Variants in IL19 observed in about 807,000 individuals in gnomAD.
IL19 encodes the protein interleukin 19.
In IL19, 15 loss-of-function variants were observed where a neutral mutation model predicts 19.5. The ratio of observed to expected loss-of-function variants is 0.77; its 90% CI spans 0.52 to 1.19. IL19 has a LOEUF of 1.19. Among genes scored for constraint, IL19 ranks in the 50% most tolerant of loss-of-function variants. The probability of loss-of-function intolerance (pLI) is 0.00; values close to 1 mark genes in which losing one functional copy is unlikely to be tolerated. For missense variants in IL19, 199 were observed against 213.1 expected, an observed-to-expected ratio of 0.93 and a Z score of 0.41; for synonymous variants, 78 against 78.3, an observed-to-expected ratio of 1.00 and a Z score of 0.02.
chr1:206,812,064 A>G (rs1164160501), intron 2 of IL19, among the ~76,000 whole-genome samples: 1 of 152,246 alleles, frequency 6.6e-6, no homozygotes, highest in African/African-American at 2.4e-5. Flanking sequence ...TAATAGAAAG[A>G]TTTGATGGTC....
Position 206,803,593 on chromosome 1 carries a change from G to C in IL19, c.-3+4587G>C, listed in dbSNP as rs74148800. Among the ~76,000 whole-genome samples, 382 of 152,298 alleles carry C rather than the reference G, an allele frequency of 2.5e-3. 2 individuals are homozygous for C. The highest frequency in any genetic ancestry group is 0.011 in the South Asian group (54 of 4,824). On this transcript the variant is annotated intron_variant, in intron 2 of 6. Transcript: ENST00000659997. ...GACACAGGCCTCAGGTGATCCTACA[G>C]AGCATGGCTGGAGAGAACAGGAAAG... is the stretch of plus-strand genomic sequence containing the variant.
chr1:206,781,414 C>CAAAAAAAAAAAAAAAAAAAAAAAAAAAA (rs57060549), intron 1 of IL19, among the ~76,000 whole-genome samples: 2 of 43,024 alleles, frequency 4.6e-5, no homozygotes, highest in African/African-American at 9.0e-5. Context: ...GACTCTGTCT[C>CAAAAAAAAAAAAAAAAAAAAAAAAAAAA]AAAAAAAAAA....
intron 2 of IL19, among the ~76,000 whole-genome samples, chr1:206,807,293 A>G (rs533127027): frequency 6.6e-6 from 1 of 152,312 alleles, no homozygotes; most frequent in African/African-American, 2.4e-5. Flanking sequence ...ACCATATCCT[A>G]TGGCATGTAG....
At position 206,775,208 on chromosome 1, in the gene IL19, G is replaced by GT. The variant is rs1002447254; in HGVS notation, c.-149+4137dup. ...GGCGCCTGGCACCACGCCCGGCTAAGTTTTTTTATTTTTTTTTGTATTTTT... is the reference window on the plus strand; with the variant it reads ...GGCGCCTGGCACCACGCCCGGCTAAGTTTTTTTTATTTTTTTTTGTATTTTT... On this transcript the variant is annotated intron_variant, in intron 1 of 6. Transcript: ENST00000659997. Among the ~76,000 whole-genome samples the GT allele has an allele frequency of 7.3e-5, 11 of 151,570 alleles. No homozygotes were observed. The South Asian group carries it at 1.0e-3, about 14-fold the overall frequency.
chr1:206,835,816 C>A (rs1434733403), intron 2 of IL19, among the ~76,000 whole-genome samples: 1 of 152,216 alleles, frequency 6.6e-6, no homozygotes, highest in East Asian at 1.9e-4. Flanking sequence ...TAAGCTGTAC[C>A]ATTATATTTT....
At chr1:206,800,805 G>A (rs748945498) in intron 2 of IL19, among the ~76,000 whole-genome samples, 3 of 152,338 alleles carry the variant, frequency 2.0e-5, no homozygotes, top group East Asian at 1.9e-4. Flanking sequence ...CCTCCTGGCC[G>A]TGTGTGTTAA....
Position 206,799,007 on chromosome 1 carries a change from G to T in IL19, c.-3+1G>T. On this transcript the variant is annotated splice_donor_variant, in intron 2 of 6. Coordinates refer to ENST00000659997, the MANE Select transcript of IL19 (RefSeq NM_153758.5). LOFTEE classifies it low-confidence loss of function (5UTR_SPLICE). ...GTGCTTTGGGGCTCTGTTCCACGGG[G>T]TAAGTAATTTCTGCTATAGGGACCC... 6.2e-7 allele frequency: 1 copy of T among 1,603,724 alleles called. No homozygotes were observed. The highest frequency in any genetic ancestry group is 8.5e-7 in the Non-Finnish European group (1 of 1,170,798).
At chr1:206,782,739 G>A (rs1028137569) in intron 1 of IL19, among the ~76,000 whole-genome samples, 1 of 152,132 alleles carries the variant, frequency 6.6e-6, no homozygotes, top group Non-Finnish European at 1.5e-5. Flanking sequence ...TCTCCAAGGG[G>A]CCCCAGGCCT....
chr1:206,795,959 G>A lies in IL19; in HGVS notation c.-148-2902G>A, dbSNP rs1331392603. On this transcript the variant is annotated intron_variant, in intron 1 of 6. Coordinates refer to ENST00000659997, the MANE Select transcript of IL19 (RefSeq NM_153758.5). ...TGTGTGTGTGTGTGTGTGTGTGTGT[G>A]TATGATTTATTATAAGGTATAAGGT... is the stretch of plus-strand genomic sequence containing the variant. Among the ~76,000 whole-genome samples, 4 of 151,286 alleles carry A rather than the reference G, an allele frequency of 2.6e-5. No individual in the cohort carries two copies. The South Asian group carries it at 8.4e-4, about 32-fold the overall frequency.
At chr1:206,776,909 CAAAAAAAAA>C (rs1186364224) in intron 1 of IL19, among the ~76,000 whole-genome samples, 4 of 50,470 alleles carry the variant, frequency 7.9e-5, no homozygotes, top group African/African-American at 3.1e-4. Flanking sequence ...CTTGCAACTA[CAAAAAAAAA>C]AAAAAAAAAA....
In IL19 at chr1:206,842,685, C is replaced by G; in HGVS notation, c.*63C>G. 2 of 989,048 alleles carry G rather than the reference C, an allele frequency of 2.0e-6. No individual in the cohort carries two copies. The highest frequency in any genetic ancestry group is 1.5e-6 in the Non-Finnish European group (1 of 646,286). The allele number at this position is 989,048 out of a possible 1,614,324, so 61.3% of individuals were successfully genotyped here. ...CCCCTGTGCGGTTTACTGTGGGAGA[C>G]AGCCCACCTTGAAGGGGAAGGAGAT... On this transcript the variant is annotated 3_prime_UTR_variant, in exon 7 of 7. Transcript: ENST00000659997.
chr1:206,801,171 A>G (rs1239196171), intron 2 of IL19, among the ~76,000 whole-genome samples: 1 of 148,556 alleles, frequency 6.7e-6, no homozygotes, highest in Non-Finnish European at 1.5e-5. Context: ...TCGTAGTTTA[A>G]AAAAAAAAAA....
intron 2 of IL19, among the ~76,000 whole-genome samples, chr1:206,835,870 G>A (rs1676773131): frequency 6.6e-6 from 1 of 152,244 alleles, no homozygotes; most frequent in African/African-American, 2.4e-5. Flanking sequence ...ATACAAAGTG[G>A]TTAAATGAAG....
At chr1:206,834,848 G>C (rs2102485929) in intron 2 of IL19, among the ~76,000 whole-genome samples, 1 of 152,292 alleles carries the variant, frequency 6.6e-6, no homozygotes, top group Middle Eastern at 3.4e-3. Flanking sequence ...TGTTGTAAGT[G>C]GGGTGGAGTA....
chr1:206,812,597 T>C (rs1461187665), intron 2 of IL19, among the ~76,000 whole-genome samples: 1 of 152,136 alleles, frequency 6.6e-6, no homozygotes, highest in Admixed American at 6.5e-5. Flanking sequence ...TAAAAGTTAA[T>C]GGAAGATGAC....
intron 2 of IL19, among the ~76,000 whole-genome samples, chr1:206,804,243 G>C (rs372995521): frequency 1.3e-5 from 2 of 152,194 alleles, no homozygotes; most frequent in Admixed American, 1.3e-4. Context: ...GGTCTTGAAA[G>C]TCATGAAGCA....
intron 2 of IL19, among the ~76,000 whole-genome samples, chr1:206,827,656 A>G (rs1572569839): frequency 6.6e-6 from 1 of 150,834 alleles, no homozygotes; most frequent in Admixed American, 6.6e-5. Context: ...GTGCCACTGC[A>G]CTCCAGCCTG....
intron 2 of IL19, among the ~76,000 whole-genome samples, chr1:206,817,437 A>G (rs922226970): frequency 3.3e-5 from 5 of 152,220 alleles, no homozygotes; most frequent in African/African-American, 4.8e-5. Context: ...ACTCAATGTC[A>G]TTATATTGGC....
intron 2 of IL19, among the ~76,000 whole-genome samples, chr1:206,829,404 G>A (rs1676528372): frequency 6.6e-6 from 1 of 152,182 alleles, no homozygotes; most frequent in South Asian, 2.1e-4. Flanking sequence ...AGGAAGAGGG[G>A]AGAAGTTTCA....
Sources: allele counts gnomAD v4.1 joint callset (sites outside exome capture counted in the v4.1 genomes callset), GRCh38; gene constraint gnomAD v4.1.1; transcripts MANE v1.5; gene names NCBI Gene and HGNC (gene_info 2026-07-23, HGNC 2026-07-21).